The following FRYL variants were observed in gnomAD, a reference collection of about 807,000 sequenced individuals.
FRYL encodes protein furry homolog-like.
Under a neutral mutation model 351.2 loss-of-function variants are expected in FRYL, and 150 were observed. The ratio of observed to expected loss-of-function variants is 0.43; its 90% CI spans 0.37 to 0.49. The LOEUF is 0.49. FRYL is among the 20% of genes least tolerant of loss of function. FRYL has a pLI of 0.00. For synonymous variants in FRYL, 1,153 were observed against 1,257.1 expected, an observed-to-expected ratio of 0.92 and a Z score of 1.75; for missense variants, 3,036 against 3,619.3, an observed-to-expected ratio of 0.84 and a Z score of 4.13.
chr4:48,591,324 A>G (rs1468729590), intron 16 of FRYL, among the ~76,000 whole-genome samples: 1 of 152,212 alleles, frequency 6.6e-6, no homozygotes, highest in Non-Finnish European at 1.5e-5. Flanking sequence ...GTTTGGAAAC[A>G]TTACAGCACC....
At chr4:48,739,217 A>G (rs569143578) in intron 1 of FRYL, among the ~76,000 whole-genome samples, 2 of 152,246 alleles carry the variant, frequency 1.3e-5, no homozygotes, top group South Asian at 4.1e-4. Context: ...CCTGGCCAAC[A>G]TGGCAAAACC....
At chr4:48,516,781 T>C (rs751036470) in intron 55 of FRYL, among the ~76,000 whole-genome samples, 15 of 152,182 alleles carry the variant, frequency 9.9e-5, no homozygotes, top group Admixed American at 2.6e-4. Flanking sequence ...GACAATAACA[T>C]ATACCAGAGT....
chr4:48,512,740 T>G (rs1415125870), intron 56 of FRYL, 52 bp from the exon 57 acceptor site: 34 of 1,353,480 alleles, frequency 2.5e-5, no homozygotes, highest in Non-Finnish European at 3.6e-5. Flanking sequence ...AAAAAAAGAA[T>G]AGGCTCAATC....
intron 2 of FRYL, among the ~76,000 whole-genome samples, chr4:48,696,321 T>C (rs1489039929): frequency 6.6e-6 from 1 of 152,146 alleles, no homozygotes; most frequent in Admixed American, 6.5e-5. Context: ...ATGTAGTACA[T>C]ATACACCATG....
At chr4:48,703,816 C>T (rs1767019130) in intron 2 of FRYL, among the ~76,000 whole-genome samples, 1 of 152,148 alleles carries the variant, frequency 6.6e-6, no homozygotes, top group African/African-American at 2.4e-5. Context: ...TACTATTTGC[C>T]ACTAGTGCCT....
chr4:48,702,493 A>T (rs1233848376), intron 2 of FRYL, among the ~76,000 whole-genome samples: 2 of 108,412 alleles, frequency 1.8e-5, no homozygotes, highest in Admixed American at 1.0e-4. Context: ...AAAAAAAAAA[A>T]TGCTGGGCGC....
chr4:48,712,910 G>A (rs917576817), intron 1 of FRYL, among the ~76,000 whole-genome samples: 3 of 152,210 alleles, frequency 2.0e-5, no homozygotes, highest in Admixed American at 6.5e-5. Flanking sequence ...CCAGAAGAGA[G>A]TGGGGGCCAA....
intron 3 of FRYL, among the ~76,000 whole-genome samples, chr4:48,652,656 T>C (rs768367596): frequency 2.0e-4 from 30 of 152,210 alleles, no homozygotes; most frequent in Non-Finnish European, 4.1e-4. Flanking sequence ...CCTCAAACCA[T>C]ATTCAATAAG....
chr4:48,663,705 G>A (rs1337275647), intron 3 of FRYL, among the ~76,000 whole-genome samples: 1 of 146,254 alleles, frequency 6.8e-6, no homozygotes, highest in East Asian at 2.0e-4. Flanking sequence ...AACCCGGGAG[G>A]CGGAGCTTGC....
chr4:48,592,384 A>G (rs1044959767), intron 16 of FRYL, among the ~76,000 whole-genome samples: 1 of 152,040 alleles, frequency 6.6e-6, no homozygotes, highest in African/African-American at 2.4e-5. Flanking sequence ...TGAAAAGAAA[A>G]TACAGATCCA....
intron 50 of FRYL, 108 bp from the exon 51 acceptor site, chr4:48,528,444 TGAG>T (rs944632393): frequency 3.7e-5 from 27 of 739,374 alleles, no homozygotes; most frequent in African/African-American, 2.4e-4. Context: ...AAAAAAAAGA[TGAG>T]GAGAGAAATT....
chr4:48,709,047 G>A (rs534348400), intron 2 of FRYL, among the ~76,000 whole-genome samples: 5 of 151,594 alleles, frequency 3.3e-5, no homozygotes, highest in East Asian at 1.9e-4. Flanking sequence ...TCAGCCTCCC[G>A]AGTAGCTGGA....
intron 2 of FRYL, among the ~76,000 whole-genome samples, chr4:48,705,315 T>C (rs1705353319): frequency 1.3e-5 from 2 of 151,536 alleles, no homozygotes; most frequent in South Asian, 2.1e-4. Flanking sequence ...TATCTTGCTA[T>C]ATATATATAG....
Position 48,609,813 on chromosome 4 carries a change from T to C in FRYL, c.422A>G (p.His141Arg). 1 of 1,582,974 alleles carries C rather than the reference T, an allele frequency of 6.3e-7. No individual in the cohort carries two copies. The highest frequency in any genetic ancestry group is 8.6e-7 in the Non-Finnish European group (1 of 1,160,930). Residue 141 changes from histidine to arginine, a missense_variant, in exon 8 of 64, where the codon CAT becomes CGT. By Grantham distance (29) the His-to-Arg change is conservative. Transcript: ENST00000358350. Reference protein sequence around the residue: ...LVEVLKQIPVHPVPDPLVHEV... With the variant: ...LVEVLKQIPVRPVPDPLVHEV... ...ATGAACTAAGGGATCGGGTACAGGA[T>C]GAACAGGAATCTAGAATTTAAAAAA...
Position 48,579,219 on chromosome 4 carries a change from CTAGGGCAATAGAGCAAAG to C in FRYL, c.2264_2281del (p.Thr755_Pro760del), listed in dbSNP as rs1740317957. 2 of 1,612,692 alleles carry C rather than the reference CTAGGGCAATAGAGCAAAG, an allele frequency of 1.2e-6. No individual in the cohort carries two copies. Among genetic ancestry groups the C allele is most frequent in the Admixed American group, 1.7e-5 (1 of 59,878 alleles). ...TGCTAAAGTTTGTAAATCTATCGAGCTAGGGCAATAGAGCAAAGTAGTCTATATGGAGAGGAAAAAATT... is the reference window on the plus strand; with the variant it reads ...TGCTAAAGTTTGTAAATCTATCGAGCTAGTCTATATGGAGAGGAAAAAATT... On this transcript the variant is annotated inframe_deletion, in exon 23 of 64. Transcript: ENST00000358350.
At chr4:48,514,084 A>G (rs1279574354) in intron 56 of FRYL, among the ~76,000 whole-genome samples, 3 of 151,986 alleles carry the variant, frequency 2.0e-5, no homozygotes, top group African/African-American at 7.2e-5. Context: ...GTTGATGGTA[A>G]AAAAAAATCT....
At chr4:48,612,497 C>CGTGG (rs1748418854) in intron 7 of FRYL, among the ~76,000 whole-genome samples, 1 of 149,968 alleles carries the variant, frequency 6.7e-6, no homozygotes, top group Non-Finnish European at 1.5e-5. Flanking sequence ...TGTGTGTGCA[C>CGTGG]GTGTGTGTGT....
rs1476635303 is a variant in FRYL at position 48,770,707 on chromosome 4, A to C, written c.-384+9371T>G. Reference sequence around the variant, plus strand: ...CCGCCTCAGCCTCCCAAAGTGCTGGAATTACAGGTGTGAGCCACCACGCCC... The same window carrying C: ...CCGCCTCAGCCTCCCAAAGTGCTGGCATTACAGGTGTGAGCCACCACGCCC... On this transcript the variant is annotated intron_variant, in intron 1 of 63. Coordinates refer to ENST00000358350, the MANE Select transcript of FRYL (RefSeq NM_015030.2). Among the ~76,000 whole-genome samples, 71 of 152,220 alleles carry C rather than the reference A, an allele frequency of 4.7e-4. 3 individuals carry two copies. In the East Asian group the frequency reaches 0.013, roughly 28 times the overall value.
intron 49 of FRYL, among the ~76,000 whole-genome samples, chr4:48,532,120 TA>T (rs1727794619): frequency 1.3e-5 from 2 of 152,200 alleles, no homozygotes; most frequent in African/African-American, 4.8e-5. Flanking sequence ...AACTACTTCT[TA>T]CTTATGGTAC....
Sources: gnomAD v4.1 joint callset for allele counts (sites outside exome capture counted in the v4.1 genomes callset) on GRCh38, gnomAD v4.1.1 for gene constraint, MANE v1.5 for transcripts, NCBI Gene and HGNC (gene_info 2026-07-23, HGNC 2026-07-21) for gene names.